Variants in ZMYND19 observed in about 807,000 individuals in gnomAD.
ZMYND19 encodes zinc finger MYND domain-containing protein 19.
In ZMYND19, 17 loss-of-function variants were observed where a neutral mutation model predicts 32.0. That is an observed-to-expected ratio of 0.53 (90% CI 0.36 to 0.80). The LOEUF (loss-of-function observed/expected upper bound fraction) is 0.80, where lower values mean the gene tolerates loss of function less well. ZMYND19 is among the 30% of genes least tolerant of loss of function. ZMYND19 has a pLI of 0.00. For synonymous variants in ZMYND19, 124 were observed against 113.6 expected, an observed-to-expected ratio of 1.09 and a Z score of -0.58; for missense variants, 250 against 293.6, an observed-to-expected ratio of 0.85 and a Z score of 1.09.
chr9:137,587,632 G>C, intron 3 of ZMYND19, 85 bp downstream of exon 3: 1 of 1,204,988 alleles, frequency 8.3e-7, no homozygotes, highest in South Asian at 1.2e-5. Flanking sequence ...GCTTCAGCGG[G>C]GCAGGGGGCT....
In ZMYND19 at chr9:137,582,512, G is replaced by A. The variant is rs760994561; in HGVS notation, c.*31C>T. 7 of 1,605,032 alleles carry A rather than the reference G, an allele frequency of 4.4e-6. No individual in the cohort carries two copies. Among genetic ancestry groups the A allele is most frequent in the Non-Finnish European group, 5.9e-6 (7 of 1,176,502 alleles). On this transcript the variant is annotated 3_prime_UTR_variant, in exon 6 of 6. Coordinates refer to ENST00000298585, the MANE Select transcript of ZMYND19 (RefSeq NM_138462.3). ...CTGCTGTGCCCAGGGTAGAGCCCGGGGGCTGTGAGTATGTGTGGCTCCCCT... is the reference window on the plus strand; with the variant it reads ...CTGCTGTGCCCAGGGTAGAGCCCGGAGGCTGTGAGTATGTGTGGCTCCCCT...
chr9:137,587,370 C>A (rs113117853), intron 3 of ZMYND19: 37 of 613,370 alleles, frequency 6.0e-5, no homozygotes, highest in Middle Eastern at 8.8e-4. Context: ...AAAGCTGGAA[C>A]GCAAAACCAC....
intron 4 of ZMYND19, among the ~76,000 whole-genome samples, chr9:137,586,159 G>C (rs1393921740): frequency 1.3e-5 from 2 of 152,270 alleles, no homozygotes; most frequent in Non-Finnish European, 2.9e-5. Context: ...GCCGAGGGCT[G>C]AGCCCTGAAC....
Position 137,587,697 on chromosome 9 carries a change from G to A in ZMYND19, c.218+20C>T, listed in dbSNP as rs1328090791. 2 of 1,610,864 alleles carry A rather than the reference G, an allele frequency of 1.2e-6. No individual in the cohort carries two copies. Among genetic ancestry groups the A allele is most frequent in the Non-Finnish European group, 8.5e-7 (1 of 1,177,512 alleles). ...CAGGAGCCCAGTGGCGGGGGGCAGA[G>A]ACAGCTTGGAAACACCCACCACAGC... is the stretch of plus-strand genomic sequence containing the variant. On this transcript the variant is annotated intron_variant, in intron 3 of 5. Transcript: ENST00000298585.
At chr9:137,583,303 T>C in intron 4 of ZMYND19, 140 bp from the exon 5 acceptor site, 1 of 853,596 alleles carries the variant, frequency 1.2e-6, no homozygotes, top group Non-Finnish European at 1.8e-6. Flanking sequence ...CCATCCCTGC[T>C]GCATGTGCTT....
rs1018663202 is a variant in ZMYND19, at chr9:137,582,350, G to C, written c.*193C>G. On this transcript the variant is annotated 3_prime_UTR_variant, in exon 6 of 6. Coordinates refer to ENST00000298585, the MANE Select transcript of ZMYND19 (RefSeq NM_138462.3). ...AACCGTCCTGGTGGGAGCCTCCTCC[G>C]TTGTCTCTGCTGGAGATGAACACTG... 1 of 677,664 alleles carries C rather than the reference G, an allele frequency of 1.5e-6. No homozygotes were observed. The highest frequency in any genetic ancestry group is 2.4e-6 in the Non-Finnish European group (1 of 421,440). The allele number at this position is 677,664 out of a possible 1,614,324, so 42.0% of individuals were successfully genotyped here. A position where few individuals can be genotyped will look rare whatever the true frequency, so the allele number is the denominator to read the frequency against.
chr9:137,589,399 T>TAAAC, intron 1 of ZMYND19: 1 of 985,390 alleles, frequency 1.0e-6, no homozygotes, highest in Non-Finnish European at 1.2e-6. Context: ...CTGAACCTGT[T>TAAAC]TTACCTGACG....
At chr9:137,583,846 G>A (rs935586313) in intron 4 of ZMYND19, among the ~76,000 whole-genome samples, 44 of 152,262 alleles carry the variant, frequency 2.9e-4, no homozygotes, top group African/African-American at 9.9e-4. Context: ...TCTGAAGACA[G>A]AACAGGAAAA....
chr9:137,583,524 C>T (rs1404876976), intron 4 of ZMYND19, among the ~76,000 whole-genome samples: 2 of 152,152 alleles, frequency 1.3e-5, no homozygotes, highest in Admixed American at 1.3e-4. Flanking sequence ...GGTCCACTTC[C>T]CCTTCCATAC....
At chr9:137,586,717 G>A (rs926640678) in intron 4 of ZMYND19, among the ~76,000 whole-genome samples, 11 of 152,236 alleles carry the variant, frequency 7.2e-5, no homozygotes, top group African/African-American at 2.7e-4. Flanking sequence ...TGTCATGCCA[G>A]CTAAAGGGAG....
chr9:137,587,514 C>T (rs1177087862), intron 3 of ZMYND19: 2 of 614,066 alleles, frequency 3.3e-6, no homozygotes, highest in Non-Finnish European at 5.8e-6. Flanking sequence ...AAGCTCCCAG[C>T]AGAAAGTCCA....
chr9:137,582,232 T>G lies in ZMYND19; in HGVS notation c.*311A>C. ...TTTGCCATTTAAGGATTACAGCAAA[T>G]GATTCTATTTGTAATTTCTACCCTT... On this transcript the variant is annotated 3_prime_UTR_variant, in exon 6 of 6. Coordinates refer to ENST00000298585, the MANE Select transcript of ZMYND19 (RefSeq NM_138462.3). The G allele has an allele frequency of 3.8e-6, 1 of 265,096 alleles. No homozygotes were observed. The highest frequency in any genetic ancestry group is 7.2e-6 in the Non-Finnish European group (1 of 139,462). 16.4% of individuals were successfully genotyped at this position (265,096 alleles called of 1,614,324 possible). A position where few individuals can be genotyped will look rare whatever the true frequency, so the allele number is the denominator to read the frequency against.
chr9:137,587,899 C>T, intron 2 of ZMYND19, 76 bp from the exon 3 acceptor site: 1 of 1,448,852 alleles, frequency 6.9e-7, no homozygotes, highest in Non-Finnish European at 9.7e-7. Context: ...CTTAGAAAAA[C>T]CAAGTGAAAC....
intron 1 of ZMYND19, chr9:137,589,860 G>A (rs1256649828): frequency 2.0e-6 from 2 of 985,308 alleles, no homozygotes; most frequent in East Asian, 1.1e-4. Context: ...CGCCGCGCTA[G>A]GCCCCGGATC....
At position 137,590,027 on chromosome 9, in the gene ZMYND19, G is replaced by A. The variant is rs1027499487; in HGVS notation, c.51+186C>T. 1 of 984,760 alleles carries A rather than the reference G, an allele frequency of 1.0e-6. No individual in the cohort carries two copies. Among genetic ancestry groups the A allele is most frequent in the African/African-American group, 1.7e-5 (1 of 57,166 alleles). 61.0% of individuals were successfully genotyped at this position (984,760 alleles called of 1,614,324 possible). ...AGAGCCGAGGGGTGCGTGCCCGCCG[G>A]CCTGCGAGAGGAAGCTGCACCCGCG... On this transcript the variant is annotated intron_variant, in intron 1 of 5. Coordinates refer to ENST00000298585, the MANE Select transcript of ZMYND19 (RefSeq NM_138462.3). This position sits in a 1 kb window ranked among gnomAD's most constrained non-coding sequence, Gnocchi z 4.2.
chr9:137,584,992 C>A (rs943455123), intron 4 of ZMYND19, among the ~76,000 whole-genome samples: 1 of 152,144 alleles, frequency 6.6e-6, no homozygotes, highest in Non-Finnish European at 1.5e-5. Flanking sequence ...AACATAATCC[C>A]CGAAAGAATA....
At chr9:137,583,803 CCAGA>C (rs1588972436) in intron 4 of ZMYND19, among the ~76,000 whole-genome samples, 1 of 152,246 alleles carries the variant, frequency 6.6e-6, no homozygotes, top group Non-Finnish European at 1.5e-5. Flanking sequence ...TGAGGTCCCA[CCAGA>C]CAGAGGCAAG....
intron 4 of ZMYND19, among the ~76,000 whole-genome samples, chr9:137,585,947 G>A (rs1842199447): frequency 6.6e-6 from 1 of 152,278 alleles, no homozygotes; most frequent in Non-Finnish European, 1.5e-5. Context: ...CAGGGCGCCA[G>A]GGGAACATGT....
Position 137,587,767 on chromosome 9 carries a change from A to G in ZMYND19, c.168T>C (p.Phe56=). ...CAGAGCCCCTTCCTCGGTTCTTGTC[A>G]AAGGCATAGGCAAATATCTTAGCAC... ...GNGAKIFAYA[F]DKNRGRGSGR... Residue 56 remains phenylalanine, a synonymous_variant, in exon 3 of 6, where the codon TTT becomes TTC. Transcript: ENST00000298585. 6.2e-7 allele frequency: 1 copy of G among 1,614,190 alleles called. No homozygotes were observed. The highest frequency in any genetic ancestry group is 8.5e-7 in the Non-Finnish European group (1 of 1,180,026).
Sources: allele counts gnomAD v4.1 joint callset (sites outside exome capture counted in the v4.1 genomes callset), GRCh38; gene constraint gnomAD v4.1.1; non-coding constraint Gnocchi (gnomAD v3.1); transcripts MANE v1.5; gene names NCBI Gene and HGNC (gene_info 2026-07-23, HGNC 2026-07-21).